The following DUSP22 variants were observed in gnomAD, a reference collection of about 807,000 sequenced individuals.
DUSP22 encodes dual specificity phosphatase 22, also known as dual specificity protein phosphatase 22.
In DUSP22, 24 loss-of-function variants were observed where a neutral mutation model predicts 24.5. That is an observed-to-expected ratio of 0.98 (90% CI 0.71 to 1.38). DUSP22 has a LOEUF of 1.38. DUSP22 is among the 40% of genes most tolerant of loss of function. DUSP22 has a pLI of 0.00. For missense variants in DUSP22, 330 were observed against 269.2 expected (o/e 1.23, Z -1.58); for synonymous variants, 160 against 106.4 (o/e 1.50, Z -3.10).
chr6:328,132 C>A (rs1207903549), intron 3 of DUSP22, among the ~76,000 whole-genome samples: 5 of 152,302 alleles, frequency 3.3e-5, no homozygotes, highest in Non-Finnish European at 7.3e-5. Context: ...TCACTCATGG[C>A]AGTTTTTTGA....
chr6:305,192 T>C (rs1395906766), intron 2 of DUSP22, among the ~76,000 whole-genome samples: 1 of 152,290 alleles, frequency 6.6e-6, no homozygotes, highest in Non-Finnish European at 1.5e-5. Context: ...AAGTGTAGAC[T>C]CAGTCTACAG....
chr6:324,954 T>A (rs1758786033), intron 3 of DUSP22, among the ~76,000 whole-genome samples: 1 of 152,302 alleles, frequency 6.6e-6, no homozygotes, highest in Non-Finnish European at 1.5e-5. Context: ...AGGAGGGAGC[T>A]GTGTTTAAGG....
At chr6:336,017 G>A (rs1435899278) in intron 4 of DUSP22, among the ~76,000 whole-genome samples, 2 of 152,308 alleles carry the variant, frequency 1.3e-5, no homozygotes, top group African/African-American at 4.8e-5. Flanking sequence ...GGCAAGATAA[G>A]GGATAGGGCT....
At chr6:306,468 T>C (rs1757817708) in intron 2 of DUSP22, among the ~76,000 whole-genome samples, 1 of 152,310 alleles carries the variant, frequency 6.6e-6, no homozygotes, top group Admixed American at 6.5e-5. Context: ...GATCTTGTGC[T>C]TTGTGGTTTC....
chr6:297,038 C>T (rs914543432), intron 1 of DUSP22, among the ~76,000 whole-genome samples: 1 of 152,300 alleles, frequency 6.6e-6, no homozygotes, highest in Admixed American at 6.5e-5. Context: ...ATCTTGTTTC[C>T]ATGGGGAGCG....
intron 5 of DUSP22, among the ~76,000 whole-genome samples, chr6:347,466 C>G (rs1273135005): frequency 6.6e-6 from 1 of 152,312 alleles, no homozygotes; most frequent in East Asian, 1.9e-4. Flanking sequence ...TTTGCATGTA[C>G]ATGTAAAACG....
chr6:316,134 G>A (rs982658076), intron 3 of DUSP22, among the ~76,000 whole-genome samples: 2 of 152,304 alleles, frequency 1.3e-5, no homozygotes, highest in East Asian at 1.9e-4. Context: ...CCAGCAAGGT[G>A]GATGGTGTTA....
chr6:330,836 C>A (rs1759107892), intron 3 of DUSP22, among the ~76,000 whole-genome samples: 1 of 152,304 alleles, frequency 6.6e-6, no homozygotes, highest in African/African-American at 2.4e-5. Flanking sequence ...ATCTCTCCTG[C>A]CTCTTTGCAG....
At chr6:318,156 C>T (rs1758419896) in intron 3 of DUSP22, among the ~76,000 whole-genome samples, 1 of 152,306 alleles carries the variant, frequency 6.6e-6, no homozygotes, top group African/African-American at 2.4e-5. Flanking sequence ...CCAGTAATCC[C>T]CTGTGCAGCT....
At chr6:300,084 C>T (rs1022630553) in intron 1 of DUSP22, among the ~76,000 whole-genome samples, 5 of 152,418 alleles carry the variant, frequency 3.3e-5, no homozygotes, top group African/African-American at 1.2e-4. Flanking sequence ...GGGCCCTGGT[C>T]AGCCCACAGA....
At chr6:333,528 G>GA (rs1371663225) in intron 3 of DUSP22, among the ~76,000 whole-genome samples, 1 of 152,302 alleles carries the variant, frequency 6.6e-6, no homozygotes, top group Non-Finnish European at 1.5e-5. Context: ...AGGCAAGAGG[G>GA]AATTCTCTCA....
At chr6:347,988 AAGGCAG>A in intron 5 of DUSP22, 109 bp from the exon 6 acceptor site, 1 of 1,482,228 alleles carries the variant, frequency 6.7e-7, no homozygotes, top group Non-Finnish European at 9.2e-7. Flanking sequence ...CATATAATCC[AAGGCAG>A]GAAGACTTTC....
chr6:343,074 G>A (rs1051819581), intron 4 of DUSP22, among the ~76,000 whole-genome samples: 2 of 151,046 alleles, frequency 1.3e-5, no homozygotes, highest in South Asian at 4.1e-4. Context: ...TGGCTGTAAT[G>A]GGTGTCTGCT....
At chr6:342,875 C>T (rs1056128878) in intron 4 of DUSP22, among the ~76,000 whole-genome samples, 31 of 152,282 alleles carry the variant, frequency 2.0e-4, no homozygotes, top group African/African-American at 5.3e-4. Flanking sequence ...AAAATCAGTG[C>T]GGCTGACATG....
chr6:308,268 T>C (rs1757913951), intron 2 of DUSP22, among the ~76,000 whole-genome samples: 1 of 152,298 alleles, frequency 6.6e-6, no homozygotes, highest in African/African-American at 2.4e-5. Context: ...TACAAGCTTG[T>C]GTCTGTGCAC....
At chr6:309,703 CACACACACACACACAT>C (rs1438298816) in intron 2 of DUSP22, among the ~76,000 whole-genome samples, 75 of 126,794 alleles carry the variant, frequency 5.9e-4, no homozygotes, top group Non-Finnish European at 1.1e-3. Context: ...CACACACACA[CACACACACACACACAT>C]ACTATAAAGA....
intron 4 of DUSP22, among the ~76,000 whole-genome samples, chr6:339,651 T>C (rs2127416903): frequency 6.6e-6 from 1 of 152,420 alleles, no homozygotes; most frequent in African/African-American, 2.4e-5. Context: ...TCAGTGGTTT[T>C]AGAATCTAGC....
At chr6:309,102 G>T (rs1209668896) in intron 2 of DUSP22, among the ~76,000 whole-genome samples, 3 of 152,304 alleles carry the variant, frequency 2.0e-5, no homozygotes, top group African/African-American at 7.2e-5. Context: ...TCTAGCTTCT[G>T]CCTAATTAAT....
chr6:348,789 A>G lies in DUSP22; in HGVS notation c.456A>G (p.Glu152=), dbSNP rs1183162787. ...TCCAGTATCGGCAGTGGCTGAAGGA[A>G]GAATATGGAGAGAGCCCTTTGCAGG... ...EVHQYRQWLK[E]EYGESPLQDA... is the part of the protein sequence containing the mutation. The change falls in exon 7 of 7, where the codon GAA becomes GAG. Residue 152 remains glutamate, a synonymous_variant. Coordinates refer to ENST00000419235, the MANE Select transcript of DUSP22 (RefSeq NM_001286555.3). The G allele has an allele frequency of 6.2e-7, 1 of 1,614,310 alleles. No homozygotes were observed. Among genetic ancestry groups the G allele is most frequent in the Admixed American group, 1.7e-5 (1 of 60,032 alleles).
Sources: allele counts gnomAD v4.1 joint callset (sites outside exome capture counted in the v4.1 genomes callset), GRCh38; gene constraint gnomAD v4.1.1; transcripts MANE v1.5; gene names NCBI Gene and HGNC (gene_info 2026-07-23, HGNC 2026-07-21).